MRC2: variants seen among roughly 807,000 people sequenced by gnomAD.
MRC2 encodes the protein C-type mannose receptor 2.
A neutral mutation model predicts 206.2 loss-of-function variants in MRC2; 84 were observed. The ratio of observed to expected loss-of-function variants is 0.41; its 90% CI spans 0.34 to 0.49. MRC2 has a LOEUF of 0.49. Among genes scored for constraint, MRC2 ranks in the 20% least tolerant of loss-of-function variants. The pLI is 0.31. For missense variants in MRC2, 1,676 were observed against 2,001.5 expected (o/e 0.84, Z 3.10); for synonymous variants, 798 against 800.0 (o/e 1.00, Z 0.04).
intron 28 of MRC2, 109 bp downstream of exon 28, chr17:62,691,237 G>C: frequency 7.6e-7 from 1 of 1,317,894 alleles, no homozygotes; most frequent in Non-Finnish European, 1.0e-6. Context: ...CGATGGGAAG[G>C]CCTGAACAGA....
At position 62,682,236 on chromosome 17, in the gene MRC2, G is replaced by C; in HGVS notation, c.2805G>C (p.Glu935Asp). 2 of 1,590,402 alleles carry C rather than the reference G, an allele frequency of 1.3e-6. No individual in the cohort carries two copies. Among genetic ancestry groups the C allele is most frequent in the Non-Finnish European group, 1.7e-6 (2 of 1,167,614 alleles). The change falls in exon 20 of 30, where the codon GAG (glutamate) becomes GAC (aspartate). Residue 935 changes from glutamate (E) to aspartate (D), a missense_variant and splice_region_variant. By Grantham distance (45) the Glu-to-Asp change is conservative. Transcript: ENST00000303375. The stretch of plus-strand genomic sequence containing the variant: ...TGCCCTCCCCTCCCCTTTCCGCAGA[G>C]GACTGGGGGGACCAGAGGTGCCTGA... ...KKCVYMTASR[E>D]DWGDQRCLTA... is the part of the protein sequence containing the mutation.
In MRC2 at chr17:62,689,937, A is replaced by T. The variant is rs779567713; in HGVS notation, c.3617A>T (p.Tyr1206Phe). ...TGGGTCTCAGAGGAGCCGCTGAACTACGTGGGCTGGCAGGACGGGGAGCCG... is the reference window on the plus strand; with the variant it reads ...TGGGTCTCAGAGGAGCCGCTGAACTTCGTGGGCTGGCAGGACGGGGAGCCG... ...YSWVSEEPLN[Y>F]VGWQDGEPQQ... The change falls in exon 25 of 30, where the codon TAC (tyrosine) becomes TTC (phenylalanine). Residue 1206 changes from tyrosine to phenylalanine, a missense_variant. Around this residue, in one of 3 missense-constraint regions of MRC2, gnomAD observed 1,354 missense variants for 1,636.6 expected, o/e 0.83. Transcript: ENST00000303375. 7 of 1,609,578 alleles carry T rather than the reference A, an allele frequency of 4.3e-6. No individual in the cohort carries two copies. In the East Asian group the frequency reaches 1.6e-4, roughly 36 times the overall value.
chr17:62,689,048 G>C, intron 23 of MRC2, 88 bp downstream of exon 23: 2 of 1,070,012 alleles, frequency 1.9e-6, no homozygotes, highest in Non-Finnish European at 2.8e-6. Context: ...AGGAATCATG[G>C]TCCCTGGCAG....
rs918986871 is a variant in MRC2, at chr17:62,627,725, G to T, written c.-78G>T. ...GAGCCCCTTGCGGGCGGTCATCACA[G>T]CCCAGCCTCGGGGCTGCCACAGCGC... On this transcript the variant is annotated 5_prime_UTR_variant, in exon 1 of 30. Coordinates refer to ENST00000303375, the MANE Select transcript of MRC2 (RefSeq NM_006039.5). 4 of 1,176,816 alleles carry T rather than the reference G, an allele frequency of 3.4e-6. No individual in the cohort carries two copies. Among genetic ancestry groups the T allele is most frequent in the Non-Finnish European group, 4.4e-6 (4 of 903,736 alleles). The allele number at this position is 1,176,816 out of a possible 1,614,324, so 72.9% of individuals were successfully genotyped here. A position where few individuals can be genotyped will look rare whatever the true frequency, so the allele number is the denominator to read the frequency against.
At chr17:62,661,536 TTTTCTTTCTTTCTC>T (rs1201948275) in intron 1 of MRC2, 4 of 151,204 alleles carry the variant, frequency 2.6e-5, no homozygotes, top group East Asian at 3.9e-4. Context: ...TTCTCTTTCT[TTTTCTTTCTTTCTC>T]TTTCTTTCTT....
At chr17:62,677,567 C>A in intron 12 of MRC2, 81 bp downstream of exon 12, 2 of 1,283,522 alleles carry the variant, frequency 1.6e-6, no homozygotes, top group Non-Finnish European at 2.1e-6. Context: ...CCCAGTGGGA[C>A]CAGCCACAAT....
Position 62,666,087 on chromosome 17 carries a change from C to T in MRC2, c.521-7C>T. 1 of 1,580,564 alleles carries T rather than the reference C, an allele frequency of 6.3e-7. No individual in the cohort carries two copies. The highest frequency in any genetic ancestry group is 8.6e-7 in the Non-Finnish European group (1 of 1,162,828). ...CCAAGGGCCTGGCCCCTGTCCACCC[C>T]CTGCAGAGGTCTACACCATCCAGGG... On this transcript the variant is annotated splice_region_variant and splice_polypyrimidine_tract_variant and intron_variant, in intron 2 of 29. Transcript: ENST00000303375. This position sits in a 1 kb window ranked among gnomAD's most constrained non-coding sequence, Gnocchi z 5.0.
chr17:62,685,327 G>C (rs1305046233), intron 20 of MRC2, among the ~76,000 whole-genome samples: 1 of 152,006 alleles, frequency 6.6e-6, no homozygotes, highest in African/African-American at 2.4e-5. Flanking sequence ...CCATGGAATT[G>C]AGCTCATACT....
Position 62,677,487 on chromosome 17 carries a change from G to A in MRC2, c.2052+1G>A, listed in dbSNP as rs1191986372. The A allele has an allele frequency of 1.9e-6, 3 of 1,590,974 alleles. No individual in the cohort carries two copies. Among genetic ancestry groups the A allele is most frequent in the Non-Finnish European group, 2.6e-6 (3 of 1,163,886 alleles). On this transcript the variant is annotated splice_donor_variant, in intron 12 of 29. Coordinates refer to ENST00000303375, the MANE Select transcript of MRC2 (RefSeq NM_006039.5). LOFTEE classifies it high-confidence loss of function. ...CACCAAACTCCGGTATTGCTATAAG[G>A]TAGGGCAGCCTGTTGGCCGGGTAGG... is the stretch of plus-strand genomic sequence containing the variant.
intron 1 of MRC2, among the ~76,000 whole-genome samples, chr17:62,639,549 G>C (rs1386816893): frequency 1.3e-5 from 2 of 152,126 alleles, no homozygotes; most frequent in Admixed American, 6.6e-5. Context: ...GGATATGTAA[G>C]AATTCCTATC....
rs771006510 is a variant in MRC2, at chr17:62,681,137, C to T, written c.2702+8C>T. 58 of 1,612,962 alleles carry T rather than the reference C, an allele frequency of 3.6e-5. No individual in the cohort carries two copies. Among genetic ancestry groups the T allele is most frequent in the Non-Finnish European group, 4.7e-5 (55 of 1,179,744 alleles). On this transcript the variant is annotated splice_region_variant and intron_variant, in intron 18 of 29. Coordinates refer to ENST00000303375, the MANE Select transcript of MRC2 (RefSeq NM_006039.5). ...GAGCGATGGGCGCTTCAGGTAGGAACCCAGGCAGGCAGCAGATGTGGAAGG... is the reference window on the plus strand; with the variant it reads ...GAGCGATGGGCGCTTCAGGTAGGAATCCAGGCAGGCAGCAGATGTGGAAGG...
At chr17:62,690,444 G>GTT in intron 26 of MRC2, 139 bp downstream of exon 26, 1 of 1,353,742 alleles carries the variant, frequency 7.4e-7, no homozygotes, top group Non-Finnish European at 1.0e-6. Flanking sequence ...GCTCTCACAT[G>GTT]TGGAGACCAT....
chr17:62,639,853 T>C (rs2088376344), intron 1 of MRC2, among the ~76,000 whole-genome samples: 1 of 152,066 alleles, frequency 6.6e-6, no homozygotes, highest in Non-Finnish European at 1.5e-5. Context: ...AATATATGGC[T>C]AATGATTCTT....
In MRC2 at chr17:62,651,228, C is replaced by T. The variant is rs527958615; in HGVS notation, c.119-13320C>T. On this transcript the variant is annotated intron_variant, in intron 1 of 29. Transcript: ENST00000303375. ...CCTCCCAAGTAGCTGGGACTACAGG[C>T]GAACGCCACCACGCCCAGCAAATTT... Among the ~76,000 whole-genome samples, 58 of 152,154 alleles carry T rather than the reference C, an allele frequency of 3.8e-4. 1 individual carries two copies. Among genetic ancestry groups the T allele is most frequent in the African/African-American group, 1.4e-3 (57 of 41,522 alleles).
chr17:62,647,437 G>A (rs1329839444), intron 1 of MRC2, among the ~76,000 whole-genome samples: 4 of 151,604 alleles, frequency 2.6e-5, no homozygotes, highest in African/African-American at 7.3e-5. Flanking sequence ...CACCCGCCTC[G>A]GCCTCCTGAA....
intron 28 of MRC2, 116 bp from the exon 29 acceptor site, chr17:62,691,996 A>C: frequency 1.8e-5 from 24 of 1,354,902 alleles, no homozygotes; most frequent in African/African-American, 2.9e-5. Flanking sequence ...AGGGGGAACT[A>C]GAGCCTCTTT....
chr17:62,671,677 C>T lies in MRC2; in HGVS notation c.1146C>T (p.Cys382=), dbSNP rs774041754. 18 of 1,599,248 alleles carry T rather than the reference C, an allele frequency of 1.1e-5. No individual in the cohort carries two copies. The highest frequency in any genetic ancestry group is 4.5e-5 in the East Asian group (2 of 44,768). Reference sequence around the variant, plus strand: ...GGTGGGCCAATGTGAAGGTGGAGTGCGAGCCGAGCTGGCAGCCCTTCCAGG... The same window carrying T: ...GGTGGGCCAATGTGAAGGTGGAGTGTGAGCCGAGCTGGCAGCCCTTCCAGG... ...PDRWANVKVE[C]EPSWQPFQGH... The change falls in exon 7 of 30, where the codon TGC becomes TGT. Residue 382 remains cysteine, a synonymous_variant. Coordinates refer to ENST00000303375, the MANE Select transcript of MRC2 (RefSeq NM_006039.5). The surrounding 1 kb of genome is among the most constrained non-coding windows in gnomAD (Gnocchi z 4.5).
At chr17:62,640,502 C>A (rs2088387749) in intron 1 of MRC2, among the ~76,000 whole-genome samples, 1 of 152,032 alleles carries the variant, frequency 6.6e-6, no homozygotes, top group African/African-American at 2.4e-5. Flanking sequence ...ACACTGATTT[C>A]ATTTGCAGGT....
In MRC2 at chr17:62,687,442, G is replaced by A. The variant is rs138479812; in HGVS notation, c.2947-847G>A. 3.7e-3 allele frequency among the ~76,000 whole-genome samples: 557 copies of A among 152,320 alleles called. 7 individuals are homozygous for A. Among genetic ancestry groups the A allele is most frequent in the African/African-American group, 0.013 (532 of 41,564 alleles). On this transcript the variant is annotated intron_variant, in intron 20 of 29. Coordinates refer to ENST00000303375, the MANE Select transcript of MRC2 (RefSeq NM_006039.5). Reference sequence around the variant, plus strand: ...CCCAAAGTGCTGGGATTACAGGTGTGAGCCACCGTGCCTGGCCAACACCCT... The same window carrying A: ...CCCAAAGTGCTGGGATTACAGGTGTAAGCCACCGTGCCTGGCCAACACCCT...
Sources: gnomAD v4.1 joint callset for allele counts (sites outside exome capture counted in the v4.1 genomes callset) on GRCh38, gnomAD v4.1.1 for gene constraint, gnomAD v4.1.1 regional missense constraint, Gnocchi (gnomAD v3.1) non-coding constraint, MANE v1.5 for transcripts, NCBI Gene and HGNC (gene_info 2026-07-23, HGNC 2026-07-21) for gene names.